Variants in MMD2 observed in about 807,000 individuals in gnomAD.
MMD2 encodes monocyte to macrophage differentiation associated 2.
MMD2 carries 30 observed loss-of-function variants against 33.5 expected under a neutral mutation model. The ratio of observed to expected loss-of-function variants is 0.90; its 90% CI spans 0.67 to 1.22. MMD2 has a LOEUF of 1.22. Among genes scored for constraint, MMD2 ranks in the 50% most tolerant of loss-of-function variants. The pLI is 0.00. For synonymous variants in MMD2, 129 were observed against 123.0 expected, an observed-to-expected ratio of 1.05 and a Z score of -0.32; for missense variants, 364 against 325.4, an observed-to-expected ratio of 1.12 and a Z score of -0.91.
chr7:4,907,722 A>G, intron 6 of MMD2, 123 bp from the exon 7 acceptor site: 1 of 827,824 alleles, frequency 1.2e-6, no homozygotes, highest in Non-Finnish European at 2.0e-6. Context: ...CCAGACTCCC[A>G]GGTGGGAAGC....
chr7:4,919,399 T>A (rs1785218152), intron 3 of MMD2, among the ~76,000 whole-genome samples: 1 of 151,954 alleles, frequency 6.6e-6, no homozygotes, highest in African/African-American at 2.4e-5. Flanking sequence ...TGGAACCCCA[T>A]CTCTACAAAA....
intron 1 of MMD2, among the ~76,000 whole-genome samples, chr7:4,955,268 G>A (rs1290642141): frequency 6.6e-6 from 1 of 152,190 alleles, no homozygotes; most frequent in Non-Finnish European, 1.5e-5. Flanking sequence ...ACAGCTTTAT[G>A]ATATGAATGT....
the MMD2 span, among the ~76,000 whole-genome samples, chr7:4,899,393 CTT>C: frequency 6.9e-6 from 1 of 145,228 alleles, no homozygotes; most frequent in African/African-American, 2.5e-5. Context: ...ATGTATTTTT[CTT>C]TTTTTTTTTT....
chr7:4,924,299 C>A (rs765002067), intron 2 of MMD2, among the ~76,000 whole-genome samples: 3 of 152,234 alleles, frequency 2.0e-5, no homozygotes, highest in Admixed American at 2.0e-4. Context: ...TCTATGACAC[C>A]GGTGGCCCAT....
Position 4,907,353 on chromosome 7 carries a change from C to T in MMD2, c.*43G>A. The T allele has an allele frequency of 1.9e-6, 3 of 1,594,714 alleles. No homozygotes were observed. The East Asian group carries it at 6.7e-5, about 36-fold the overall frequency. On this transcript the variant is annotated 3_prime_UTR_variant, in exon 7 of 7. Coordinates refer to ENST00000401401, the MANE Select transcript of MMD2 (RefSeq NM_198403.4). ...CTGGGTTAACGTTCACAGAAACGTG[C>T]TCCACTCCTAAAGCCCAAACGACCT...
downstream of MMD2, among the ~76,000 whole-genome samples, chr7:4,901,622 C>T (rs1008196247): frequency 2.0e-5 from 3 of 152,176 alleles, no homozygotes; most frequent in Non-Finnish European, 2.9e-5. Context: ...GGGTCAGGTT[C>T]GACTGGCACC....
chr7:4,901,436 C>G (rs924293474), downstream of MMD2, among the ~76,000 whole-genome samples: 127 of 152,162 alleles, frequency 8.3e-4, 2 homozygotes, highest in African/African-American at 3.0e-3. Context: ...GAACCGATCT[C>G]AAAAAATACA....
chr7:4,897,919 G>T, the MMD2 span, among the ~76,000 whole-genome samples: 1 of 152,074 alleles, frequency 6.6e-6, no homozygotes, highest in Non-Finnish European at 1.5e-5. Flanking sequence ...TGTATTTTTA[G>T]TAGAGATGGT....
At chr7:4,938,002 C>CTTTTTTTTTTT (rs1165504272) in intron 1 of MMD2, among the ~76,000 whole-genome samples, 8 of 45,646 alleles carry the variant, frequency 1.8e-4, no homozygotes, top group African/African-American at 3.1e-4. Flanking sequence ...TTCTTTCTTT[C>CTTTTTTTTTTT]TTTTTTTTTT....
chr7:4,918,935 A>G (rs1438635073), intron 3 of MMD2, among the ~76,000 whole-genome samples: 1 of 151,946 alleles, frequency 6.6e-6, no homozygotes, highest in Non-Finnish European at 1.5e-5. Context: ...CCATCTGTAC[A>G]AGAAATACAT....
chr7:4,945,207 T>TTCTTCTTCTTCTTCTTCTTC (rs1786034059), intron 1 of MMD2, among the ~76,000 whole-genome samples: 2 of 142,122 alleles, frequency 1.4e-5, no homozygotes, highest in African/African-American at 5.3e-5. Context: ...CTTCTTCTTC[T>TTCTTCTTCTTCTTCTTCTTC]TCTTCTTCTT....
At chr7:4,895,262 A>G in the MMD2 span, among the ~76,000 whole-genome samples, 1 of 152,100 alleles carries the variant, frequency 6.6e-6, no homozygotes, top group South Asian at 2.1e-4. Flanking sequence ...TTTTTAGTAA[A>G]GACGGGTTTT....
At chr7:4,896,042 C>T in the MMD2 span, among the ~76,000 whole-genome samples, 1 of 132,036 alleles carries the variant, frequency 7.6e-6, no homozygotes, top group Non-Finnish European at 1.8e-5. Flanking sequence ...TGATGTGTCC[C>T]CTCCTTTTGG....
intron 4 of MMD2, among the ~76,000 whole-genome samples, chr7:4,913,792 G>T (rs112287140): frequency 0.013 from 1,860 of 148,226 alleles, 39 homozygotes; most frequent in African/African-American, 0.044. Context: ...CTCCCGAGTA[G>T]TTGGGACCAC....
At position 4,907,516 on chromosome 7, in the gene MMD2, C is replaced by A; in HGVS notation, c.621G>T (p.Arg207Ser). ...LGMVFFKSDG[R>S]IPFAHAIWHL... ...GCCAGATGGCGTGGGCAAAGGGGAT[C>A]CTCCCGTCACTCTTGAAGAAGACCA... The change falls in exon 7 of 7, where the codon AGG becomes AGT. Residue 207 changes from arginine (R) to serine (S), a missense_variant. Coordinates refer to ENST00000401401, the MANE Select transcript of MMD2 (RefSeq NM_198403.4). The A allele has an allele frequency of 6.2e-7, 1 of 1,613,866 alleles. No homozygotes were observed. The highest frequency in any genetic ancestry group is 8.5e-7 in the Non-Finnish European group (1 of 1,179,890).
At chr7:4,929,777 C>T (rs1785527352) in intron 1 of MMD2, among the ~76,000 whole-genome samples, 1 of 152,034 alleles carries the variant, frequency 6.6e-6, no homozygotes, top group Admixed American at 6.6e-5. Flanking sequence ...CCTGCCTCAG[C>T]CTCCCAAAGT....
chr7:4,947,092 CA>C (rs1185581051), intron 1 of MMD2, among the ~76,000 whole-genome samples: 2 of 152,036 alleles, frequency 1.3e-5, no homozygotes, highest in African/African-American at 4.8e-5. Flanking sequence ...CTTGTAATCT[CA>C]GCTACTCCAG....
downstream of MMD2, among the ~76,000 whole-genome samples, chr7:4,905,294 AGAAGAG>A (rs60507729): frequency 0.046 from 6,821 of 148,278 alleles, 327 homozygotes; most frequent in East Asian, 0.19. This position sits in a 1 kb window ranked among gnomAD's most constrained non-coding sequence, Gnocchi z 5.0. Context: ...AAGAAGAAGA[AGAAGAG>A]GAAGAGGAAG....
At chr7:4,945,127 T>G (rs750457989) in intron 1 of MMD2, among the ~76,000 whole-genome samples, 6 of 149,926 alleles carry the variant, frequency 4.0e-5, no homozygotes, top group Non-Finnish European at 8.9e-5. Flanking sequence ...TTTTCTCTCT[T>G]TCCTTCTCCT....
Sources: allele counts gnomAD v4.1 joint callset (sites outside exome capture counted in the v4.1 genomes callset), GRCh38; gene constraint gnomAD v4.1.1; non-coding constraint Gnocchi (gnomAD v3.1); transcripts MANE v1.5; gene names NCBI Gene and HGNC (gene_info 2026-07-23, HGNC 2026-07-21).